The following DLC1 variants were observed in gnomAD, a reference collection of about 807,000 sequenced individuals.
DLC1 encodes the protein DLC1 Rho GTPase activating protein.
In DLC1, 54 loss-of-function variants were observed where a neutral mutation model predicts 140.3. The observed-to-expected ratio is 0.38, with a 90% confidence interval of 0.31 to 0.48. The LOEUF is 0.48. Among genes scored for constraint, DLC1 ranks in the 20% least tolerant of loss-of-function variants. The pLI, the probability that DLC1 is intolerant of heterozygous loss-of-function variation, is 0.96. For missense variants in DLC1, 2,536 were observed against 1,907.0 expected, an observed-to-expected ratio of 1.33 and a Z score of -6.14; for synonymous variants, 986 against 728.1, an observed-to-expected ratio of 1.35 and a Z score of -5.70.
At chr8:13,187,269 C>T (rs1826432597) in intron 5 of DLC1, among the ~76,000 whole-genome samples, 2 of 152,142 alleles carry the variant, frequency 1.3e-5, no homozygotes, top group South Asian at 2.1e-4. Context: ...TGATAGCAGA[C>T]ATTTGATCTG....
intron 4 of DLC1, among the ~76,000 whole-genome samples, chr8:13,312,360 CAAAAAAAAA>C (rs777597726): frequency 9.0e-4 from 6 of 6,644 alleles, no homozygotes; most frequent in East Asian, 5.1e-3. Flanking sequence ...GACTCCGTCT[CAAAAAAAAA>C]AAAAAAAAAA....
At chr8:13,394,139 C>A (rs557336097) in intron 3 of DLC1, among the ~76,000 whole-genome samples, 2 of 152,338 alleles carry the variant, frequency 1.3e-5, no homozygotes, top group African/African-American at 4.8e-5. Flanking sequence ...TTTCTTCTTA[C>A]CTCAATCTCT....
At chr8:13,360,345 G>A (rs1206509160) in intron 4 of DLC1, among the ~76,000 whole-genome samples, 1 of 152,120 alleles carries the variant, frequency 6.6e-6, no homozygotes, top group Non-Finnish European at 1.5e-5. Flanking sequence ...CAAACCAACT[G>A]AAATCAGAAA....
chr8:13,376,227 C>A (rs2117138800), intron 4 of DLC1, among the ~76,000 whole-genome samples: 1 of 152,244 alleles, frequency 6.6e-6, no homozygotes, highest in East Asian at 1.9e-4. Context: ...TTCACATTGT[C>A]CAGTAAACAC....
chr8:13,497,184 A>T (rs1393993982), intron 2 of DLC1, among the ~76,000 whole-genome samples: 1 of 152,170 alleles, frequency 6.6e-6, no homozygotes. Context: ...ACCTCTGTAC[A>T]TATCTTTCTA....
chr8:13,388,521 T>C (rs1179803066), intron 4 of DLC1, among the ~76,000 whole-genome samples: 1 of 152,020 alleles, frequency 6.6e-6, no homozygotes, highest in East Asian at 1.9e-4. Flanking sequence ...TGAAAGATTG[T>C]ATGACTACAT....
chr8:13,554,099 C>G (rs1432844723), intron 1 of DLC1, among the ~76,000 whole-genome samples: 1 of 152,118 alleles, frequency 6.6e-6, no homozygotes, highest in Non-Finnish European at 1.5e-5. Context: ...CAGAGTCTCA[C>G]TCTGTGGCCC....
At chr8:13,156,788 G>A (rs757494465) in intron 5 of DLC1, among the ~76,000 whole-genome samples, 6 of 152,216 alleles carry the variant, frequency 3.9e-5, no homozygotes, top group Admixed American at 6.5e-5. Context: ...TCCAGCCAGC[G>A]CCTAATAACT....
intron 1 of DLC1, among the ~76,000 whole-genome samples, chr8:13,554,135 C>G (rs957953999): frequency 6.6e-6 from 1 of 152,050 alleles, no homozygotes; most frequent in Non-Finnish European, 1.5e-5. Context: ...GGCACAATCT[C>G]CACTCACTGC....
At chr8:13,319,950 G>A (rs1833025212) in intron 4 of DLC1, among the ~76,000 whole-genome samples, 1 of 149,564 alleles carries the variant, frequency 6.7e-6, no homozygotes, top group Admixed American at 6.8e-5. Flanking sequence ...AGCCTCCCAA[G>A]TAGCTGGGGT....
At chr8:13,397,278 G>T (rs1385801640) in intron 3 of DLC1, among the ~76,000 whole-genome samples, 1 of 152,116 alleles carries the variant, frequency 6.6e-6, no homozygotes, top group Non-Finnish European at 1.5e-5. Context: ...GATAAAGGGA[G>T]AATTGAGTCT....
At chr8:13,092,066 G>A (rs1818123259) in intron 13 of DLC1, among the ~76,000 whole-genome samples, 1 of 152,158 alleles carries the variant, frequency 6.6e-6, no homozygotes, top group South Asian at 2.1e-4. Flanking sequence ...CCAACATGGT[G>A]AAACCCCGTC....
intron 5 of DLC1, among the ~76,000 whole-genome samples, chr8:13,228,055 A>T (rs1442837932): frequency 6.6e-6 from 1 of 152,168 alleles, no homozygotes; most frequent in Non-Finnish European, 1.5e-5. Flanking sequence ...GGAAGCTTAC[A>T]AGAGACTATG....
intron 5 of DLC1, among the ~76,000 whole-genome samples, chr8:13,152,444 G>A (rs760696573): frequency 3.2e-4 from 49 of 152,082 alleles, no homozygotes; most frequent in African/African-American, 1.1e-3. Flanking sequence ...TAATTAAAGC[G>A]TCTTTATTTA....
intron 1 of DLC1, among the ~76,000 whole-genome samples, chr8:13,578,820 T>C (rs1008852242): frequency 6.6e-6 from 1 of 151,958 alleles, no homozygotes; most frequent in Non-Finnish European, 1.5e-5. Flanking sequence ...CCAGAAGCCC[T>C]CCAAACCCTG....
At chr8:13,390,932 C>A (rs533480136) in intron 4 of DLC1, among the ~76,000 whole-genome samples, 1 of 148,432 alleles carries the variant, frequency 6.7e-6, no homozygotes, top group African/African-American at 2.5e-5. Flanking sequence ...TCGCAGTGAG[C>A]TGAGATTGCA....
Position 13,092,831 on chromosome 8 carries a change from C to G in DLC1, c.3527-6G>C. The G allele has an allele frequency of 6.2e-7, 1 of 1,610,338 alleles. No homozygotes were observed. Among genetic ancestry groups the G allele is most frequent in the Non-Finnish European group, 8.5e-7 (1 of 1,177,720 alleles). On this transcript the variant is annotated splice_polypyrimidine_tract_variant and splice_region_variant and intron_variant, in intron 12 of 17. Coordinates refer to ENST00000276297, the MANE Select transcript of DLC1 (RefSeq NM_182643.3). ...GCGCTGGTCCTTGGGCACATCTGCA[C>G]GACACCAGCACTTTCTCCATCAGCT...
chr8:13,278,298 T>C (rs1351129623), intron 5 of DLC1, among the ~76,000 whole-genome samples: 3 of 152,210 alleles, frequency 2.0e-5, no homozygotes, highest in Admixed American at 6.5e-5. Flanking sequence ...TCTAAAACAA[T>C]GTCCCCAGAG....
intron 2 of DLC1, among the ~76,000 whole-genome samples, chr8:13,480,344 C>T (rs1030226701): frequency 3.9e-5 from 6 of 152,046 alleles, no homozygotes; most frequent in Non-Finnish European, 7.4e-5. Context: ...AGATAAAGAA[C>T]ATGGACATGG....
Sources: gnomAD v4.1 joint callset for allele counts (sites outside exome capture counted in the v4.1 genomes callset) on GRCh38, gnomAD v4.1.1 for gene constraint, MANE v1.5 for transcripts, NCBI Gene and HGNC (gene_info 2026-07-23, HGNC 2026-07-21) for gene names.